ZC2HC1A: variants seen among roughly 807,000 people sequenced by gnomAD.
ZC2HC1A encodes zinc finger C2HC-type containing 1A.
In ZC2HC1A, 28 loss-of-function variants were observed where a neutral mutation model predicts 40.7. The ratio of observed to expected loss-of-function variants is 0.69; its 90% CI spans 0.51 to 0.94. The LOEUF (loss-of-function observed/expected upper bound fraction) is 0.94. Among genes scored for constraint, ZC2HC1A ranks in the 40% least tolerant of loss-of-function variants. The probability of loss-of-function intolerance (pLI) is 0.00; values close to 1 mark genes in which losing one functional copy is unlikely to be tolerated. For synonymous variants in ZC2HC1A, 129 were observed against 129.2 expected, an observed-to-expected ratio of 1.00 and a Z score of 0.01; for missense variants, 389 against 386.3, an observed-to-expected ratio of 1.01 and a Z score of -0.06.
At chr8:78,690,263 A>G (rs1460585393) in intron 5 of ZC2HC1A, among the ~76,000 whole-genome samples, 1 of 152,214 alleles carries the variant, frequency 6.6e-6, no homozygotes, top group Non-Finnish European at 1.5e-5. Context: ...AATTCCTTTT[A>G]AAATTTTCTT....
At chr8:78,707,472 G>C (rs962323434) in intron 7 of ZC2HC1A, among the ~76,000 whole-genome samples, 1 of 152,192 alleles carries the variant, frequency 6.6e-6, no homozygotes, top group Non-Finnish European at 1.5e-5. Context: ...TGTGACTCTG[G>C]TTAGACCTTG....
chr8:78,719,378 C>A lies in ZC2HC1A; in HGVS notation c.*1885C>A, dbSNP rs952543025. On this transcript the variant is annotated 3_prime_UTR_variant, in exon 9 of 9. Coordinates refer to ENST00000263849, the MANE Select transcript of ZC2HC1A (RefSeq NM_016010.3). ...TGGAGATGAGTTGGTAAGAAATCAT[C>A]TAGTTCCAGAGCCCAGAGATTATAA... is the stretch of plus-strand genomic sequence containing the variant. The A allele has an allele frequency of 1.3e-5, 2 of 151,586 alleles. No homozygotes were observed. The highest frequency in any genetic ancestry group is 3.9e-4 in the East Asian group (2 of 5,182). 9.4% of individuals were successfully genotyped at this position (151,586 alleles called of 1,614,324 possible). A position where few individuals can be genotyped will look rare whatever the true frequency, so the allele number is the denominator to read the frequency against.
At chr8:78,700,488 A>G (rs907919838) in intron 7 of ZC2HC1A, among the ~76,000 whole-genome samples, 20 of 152,100 alleles carry the variant, frequency 1.3e-4, no homozygotes, top group African/African-American at 4.6e-4. Context: ...TTCTTTTGCT[A>G]TGCAGAAACT....
chr8:78,695,210 G>A (rs1393244929), intron 5 of ZC2HC1A, among the ~76,000 whole-genome samples: 1 of 152,114 alleles, frequency 6.6e-6, no homozygotes, highest in Non-Finnish European at 1.5e-5. Flanking sequence ...GTTGTTCTAG[G>A]TTCTGAATAG....
At chr8:78,699,654 G>A (rs1253498621) in intron 7 of ZC2HC1A, among the ~76,000 whole-genome samples, 2 of 151,980 alleles carry the variant, frequency 1.3e-5, no homozygotes, top group African/African-American at 2.4e-5. Context: ...AGTACGTGTT[G>A]TTCCCCTCTA....
rs72661327 is a variant in ZC2HC1A at position 78,695,773 on chromosome 8, A to G, written c.505-1634A>G. Among the ~76,000 whole-genome samples, 560 of 152,268 alleles carry G rather than the reference A, an allele frequency of 3.7e-3. 2 individuals carry two copies. Among genetic ancestry groups the G allele is most frequent in the Non-Finnish European group, 6.5e-3 (441 of 68,018 alleles). On this transcript the variant is annotated intron_variant, in intron 5 of 8. Coordinates refer to ENST00000263849, the MANE Select transcript of ZC2HC1A (RefSeq NM_016010.3). The stretch of plus-strand genomic sequence containing the variant: ...AGTCTCATAGACATTTGTTAATTTG[A>G]AAGACATTTACTGAAGGTTTTGGTT...
intron 1 of ZC2HC1A, among the ~76,000 whole-genome samples, chr8:78,675,044 AC>A (rs1306578146): frequency 6.6e-6 from 1 of 151,892 alleles, no homozygotes; most frequent in Non-Finnish European, 1.5e-5. Context: ...ATGCAGAATC[AC>A]AAAGAATGCA....
chr8:78,672,495 T>C (rs1809464833), intron 1 of ZC2HC1A, among the ~76,000 whole-genome samples: 1 of 152,196 alleles, frequency 6.6e-6, no homozygotes. Context: ...TTTTTTACCC[T>C]ACACTCTGCA....
chr8:78,710,187 A>G (rs1036296422), intron 7 of ZC2HC1A, among the ~76,000 whole-genome samples: 4 of 152,178 alleles, frequency 2.6e-5, no homozygotes, highest in African/African-American at 9.7e-5. Flanking sequence ...TTTGTTTTTG[A>G]TAGCCTAATG....
At chr8:78,698,335 A>T in intron 6 of ZC2HC1A, 79 bp from the exon 7 acceptor site, 1 of 1,176,208 alleles carries the variant, frequency 8.5e-7, no homozygotes, top group Non-Finnish European at 1.2e-6. Flanking sequence ...TTACTAAAGC[A>T]TTGTTTCCTT....
At chr8:78,693,652 A>G (rs577067527) in intron 5 of ZC2HC1A, among the ~76,000 whole-genome samples, 345 of 152,124 alleles carry the variant, frequency 2.3e-3, no homozygotes, top group African/African-American at 7.9e-3. Flanking sequence ...AGATGAGTAG[A>G]TTGCAAAAAT....
At chr8:78,668,980 A>G (rs939585596) in intron 1 of ZC2HC1A, among the ~76,000 whole-genome samples, 3 of 152,188 alleles carry the variant, frequency 2.0e-5, no homozygotes, top group African/African-American at 7.2e-5. Flanking sequence ...GATTGTTGAA[A>G]TTATTAGATC....
intron 5 of ZC2HC1A, among the ~76,000 whole-genome samples, chr8:78,694,727 T>G (rs1810342396): frequency 6.6e-6 from 1 of 152,222 alleles, no homozygotes; most frequent in Non-Finnish European, 1.5e-5. Context: ...TTCTTTAGAC[T>G]TTTTCCAATT....
chr8:78,682,176 A>G (rs551141557), intron 3 of ZC2HC1A, among the ~76,000 whole-genome samples: 1 of 152,316 alleles, frequency 6.6e-6, no homozygotes, highest in East Asian at 1.9e-4. Flanking sequence ...GTGAGCCAGC[A>G]TCATGTTTAG....
Position 78,666,095 on chromosome 8 carries a change from G to A in ZC2HC1A, c.-54G>A. 6.4e-7 allele frequency: 1 copy of A among 1,554,902 alleles called. No homozygotes were observed. The highest frequency in any genetic ancestry group is 8.7e-7 in the Non-Finnish European group (1 of 1,149,278). On this transcript the variant is annotated 5_prime_UTR_variant, in exon 1 of 9. Transcript: ENST00000263849. ...CGGCTGGGTTGCTACAGCCAGAGCT[G>A]GGCGGTGGCGGGCGCTGCTGAAGGA...
chr8:78,666,242 G>T, intron 1 of ZC2HC1A, 78 bp downstream of exon 1: 1 of 1,546,450 alleles, frequency 6.5e-7, no homozygotes, highest in Non-Finnish European at 8.7e-7. Context: ...CCAGTAGCAG[G>T]AAGGCGAGGG....
Position 78,674,230 on chromosome 8 carries a change from C to G in ZC2HC1A, c.17-1557C>G, listed in dbSNP as rs553999118. 2.4e-4 allele frequency among the ~76,000 whole-genome samples: 36 copies of G among 152,100 alleles called. No individual in the cohort carries two copies. The South Asian group carries it at 3.5e-3, about 15-fold the overall frequency. ...TTCTATGTGCTGAATCCATTTTTGT[C>G]AATAGTTAATTTTTATAAGATTTTG... On this transcript the variant is annotated intron_variant, in intron 1 of 8. Transcript: ENST00000263849.
intron 3 of ZC2HC1A, among the ~76,000 whole-genome samples, chr8:78,684,014 A>G (rs1256813949): frequency 3.3e-5 from 5 of 152,202 alleles, no homozygotes; most frequent in African/African-American, 1.2e-4. Context: ...TATCACTATT[A>G]GCATTTTGGT....
rs906289342 is a variant in ZC2HC1A at position 78,685,205 on chromosome 8, G to T, written c.211-1262G>T. 5.9e-5 allele frequency among the ~76,000 whole-genome samples: 9 copies of T among 151,918 alleles called. No homozygotes were observed. The East Asian group carries it at 1.2e-3, about 20-fold the overall frequency. On this transcript the variant is annotated intron_variant, in intron 3 of 8. Coordinates refer to ENST00000263849, the MANE Select transcript of ZC2HC1A (RefSeq NM_016010.3). ...ACAGGTGTTATTTCAATTCTGTTGT[G>T]GGGGGACAGGGAGGGGAGAGTCACT...
Sources: gnomAD v4.1 joint callset for allele counts (sites outside exome capture counted in the v4.1 genomes callset) on GRCh38, gnomAD v4.1.1 for gene constraint, MANE v1.5 for transcripts, NCBI Gene and HGNC (gene_info 2026-07-23, HGNC 2026-07-21) for gene names.